Variants in UAP1 observed in about 807,000 individuals in gnomAD.
UAP1 encodes the protein UDP-N-acetylglucosamine pyrophosphorylase 1.
UAP1 carries 25 observed loss-of-function variants against 58.5 expected under a neutral mutation model. The ratio of observed to expected loss-of-function variants is 0.43; its 90% CI spans 0.31 to 0.60. The LOEUF (loss-of-function observed/expected upper bound fraction) is 0.60. Ranked by LOEUF, UAP1 falls within the 20% of genes least tolerant of loss-of-function variation. The pLI, the probability that UAP1 is intolerant of heterozygous loss-of-function variation, is 0.11. For synonymous variants in UAP1, 208 were observed against 213.0 expected, an observed-to-expected ratio of 0.98 and a Z score of 0.21; for missense variants, 575 against 630.0, an observed-to-expected ratio of 0.91 and a Z score of 0.93.
chr1:162,589,210 T>TATATA (rs1655138694), intron 7 of UAP1, among the ~76,000 whole-genome samples: 1 of 10,504 alleles, frequency 9.5e-5, no homozygotes, highest in Non-Finnish European at 2.9e-4. Flanking sequence ...TATATTTAAA[T>TATATA]ATATATAATA....
At chr1:162,588,882 T>C in intron 7 of UAP1, 49 bp downstream of exon 7, 1 of 1,550,030 alleles carries the variant, frequency 6.5e-7, no homozygotes, top group Non-Finnish European at 8.7e-7. Flanking sequence ...CTTAAAATGC[T>C]GCTTTTCACT....
intron 1 of UAP1, 77 bp downstream of exon 1, chr1:162,561,854 A>G (rs1204352608): frequency 6.6e-6 from 1 of 152,294 alleles, no homozygotes; most frequent in Admixed American, 6.5e-5. Context: ...CCCACCGCAC[A>G]CACGGCCACG....
intron 2 of UAP1, among the ~76,000 whole-genome samples, chr1:162,568,798 G>A (rs987221946): frequency 5.3e-5 from 8 of 152,132 alleles, no homozygotes; most frequent in Non-Finnish European, 8.8e-5. Context: ...GGATTTTAAG[G>A]GGATGAAGTC....
intron 2 of UAP1, among the ~76,000 whole-genome samples, chr1:162,576,303 T>C (rs562303080): frequency 5.6e-4 from 85 of 152,344 alleles, no homozygotes; most frequent in African/African-American, 2.0e-3. Context: ...TCTGTCTTTT[T>C]TTTGACTTGC....
intron 8 of UAP1, among the ~76,000 whole-genome samples, chr1:162,591,076 G>A (rs1571089881): frequency 6.6e-6 from 1 of 152,012 alleles, no homozygotes; most frequent in East Asian, 1.9e-4. Context: ...ACAGGCACAT[G>A]CCACCACACC....
intron 10 of UAP1, among the ~76,000 whole-genome samples, chr1:162,598,537 T>G (rs1200096066): frequency 1.3e-5 from 2 of 152,346 alleles, no homozygotes; most frequent in Non-Finnish European, 2.9e-5. Context: ...ATGAATCACC[T>G]GGCTTTTTTT....
chr1:162,570,761 T>G (rs1478084450), intron 2 of UAP1, among the ~76,000 whole-genome samples: 1 of 152,232 alleles, frequency 6.6e-6, no homozygotes, highest in East Asian at 1.9e-4. Flanking sequence ...TCTCTAACTT[T>G]CTTGGATAGC....
At chr1:162,566,152 C>T (rs1315653689) in exon 2 of UAP1, 1 of 1,613,656 alleles carries the variant, frequency 6.2e-7, no homozygotes, top group South Asian at 1.1e-5. Context: ...TTGAAGAAGC[C>T]CAACAGGTAG....
chr1:162,570,135 C>T (rs768869561), intron 2 of UAP1, among the ~76,000 whole-genome samples: 12 of 144,094 alleles, frequency 8.3e-5, no homozygotes, highest in African/African-American at 1.3e-4. Flanking sequence ...GTTGACAGAG[C>T]GAGACTCCGT....
intron 7 of UAP1, 94 bp from the exon 8 acceptor site, chr1:162,590,229 C>A: frequency 1.0e-6 from 1 of 957,636 alleles, no homozygotes. Flanking sequence ...ATAGGAAAGC[C>A]TATTGTTGAG....
intron 10 of UAP1, among the ~76,000 whole-genome samples, chr1:162,599,025 G>A (rs1655779884): frequency 6.6e-6 from 1 of 151,820 alleles, no homozygotes; most frequent in African/African-American, 2.4e-5. Context: ...ATGATTATAG[G>A]AAAAATGTTT....
intron 5 of UAP1, 99 bp downstream of exon 5, chr1:162,581,558 T>C: frequency 7.9e-7 from 1 of 1,258,188 alleles, no homozygotes; most frequent in Non-Finnish European, 1.1e-6. Flanking sequence ...GATTTGAATA[T>C]TTTAGAACCA....
intron 9 of UAP1, 152 bp from the exon 10 acceptor site, chr1:162,597,640 A>G (rs1346497076): frequency 1.7e-6 from 1 of 584,730 alleles, no homozygotes; most frequent in Non-Finnish European, 3.0e-6. Flanking sequence ...ATCCTCAGGG[A>G]ATTTAGTGAT....
chr1:162,581,182 G>A (rs1654564174), intron 4 of UAP1, 105 bp from the exon 5 acceptor site: 2 of 1,303,262 alleles, frequency 1.5e-6, no homozygotes, highest in Non-Finnish European at 2.1e-6. Context: ...CCTTTGTAAA[G>A]CGAATTTTGT....
intron 10 of UAP1, among the ~76,000 whole-genome samples, chr1:162,598,452 A>C (rs1348083596): frequency 1.3e-5 from 2 of 152,192 alleles, no homozygotes; most frequent in Non-Finnish European, 2.9e-5. Context: ...GACATCTGCA[A>C]TATCTAGTCC....
chr1:162,600,259 A>G (rs916211360), downstream of UAP1, among the ~76,000 whole-genome samples: 2 of 152,198 alleles, frequency 1.3e-5, no homozygotes, highest in African/African-American at 4.8e-5. Flanking sequence ...TGTTTTGCCC[A>G]AATATTTGGT....
chr1:162,576,396 T>C (rs1654179375), intron 2 of UAP1, among the ~76,000 whole-genome samples: 1 of 152,212 alleles, frequency 6.6e-6, no homozygotes, highest in Admixed American at 6.5e-5. Context: ...GCAAAAAATA[T>C]TTAGTTCACT....
chr1:162,598,671 C>A (rs1655753141), intron 10 of UAP1, among the ~76,000 whole-genome samples: 2 of 152,088 alleles, frequency 1.3e-5, no homozygotes, highest in South Asian at 4.1e-4. Flanking sequence ...TCCTGGAGAT[C>A]TTTGTATTGC....
At chr1:162,566,676 G>A (rs574761382) in intron 2 of UAP1, among the ~76,000 whole-genome samples, 1 of 151,838 alleles carries the variant, frequency 6.6e-6, no homozygotes, top group East Asian at 1.9e-4. Flanking sequence ...GCCCAGGCTG[G>A]AGTGCAGTGG....
Sources: gnomAD v4.1 joint callset for allele counts (sites outside exome capture counted in the v4.1 genomes callset) on GRCh38, gnomAD v4.1.1 for gene constraint, MANE v1.5 for transcripts, NCBI Gene and HGNC (gene_info 2026-07-23, HGNC 2026-07-21) for gene names.